CASK: variants seen among roughly 807,000 people sequenced by gnomAD.
The protein encoded by CASK is calcium/calmodulin dependent serine protein kinase.
In CASK, 4 loss-of-function variants were observed where a neutral mutation model predicts 82.9. The ratio of observed to expected loss-of-function variants is 0.05; its 90% CI spans 0.02 to 0.11. CASK has a LOEUF of 0.11. Among genes scored for constraint, CASK ranks in the 10% least tolerant of loss-of-function variants. CASK has a pLI of 1.00. For missense variants in CASK, 358 were observed against 720.9 expected, an observed-to-expected ratio of 0.50 and a Z score of 5.76; for synonymous variants, 259 against 253.5, an observed-to-expected ratio of 1.02 and a Z score of -0.20.
chrX:41,741,838 C>T (rs1356188891), intron 4 of CASK, among the ~76,000 whole-genome samples: 2 of 112,205 alleles, frequency 1.8e-5, no homozygotes, highest in South Asian at 3.6e-4. Context: ...AATCAAAAAA[C>T]TTCACTTCAT....
At chrX:41,803,157 A>G (rs2070037962) in intron 2 of CASK, among the ~76,000 whole-genome samples, 1 of 111,750 alleles carries the variant, frequency 8.9e-6, no homozygotes, top group Non-Finnish European at 1.9e-5. Context: ...AACAGATGAA[A>G]GGCTCACAGG....
At chrX:41,854,224 G>GCAAACA in intron 1 of CASK, among the ~76,000 whole-genome samples, 1 of 81,718 alleles carries the variant, frequency 1.2e-5, no homozygotes, top group Non-Finnish European at 2.3e-5. Context: ...GCGGGCGCGC[G>GCAAACA]CACACACACA....
chrX:41,532,545 A>G (rs762975528), intron 24 of CASK, among the ~76,000 whole-genome samples: 10 of 111,109 alleles, frequency 9.0e-5, no homozygotes, highest in Non-Finnish European at 1.9e-4. Flanking sequence ...CACTGGTTTT[A>G]ATATTCTCTC....
intron 8 of CASK, among the ~76,000 whole-genome samples, chrX:41,657,956 T>C (rs765162503): frequency 8.1e-4 from 89 of 110,378 alleles, no homozygotes; most frequent in African/African-American, 2.8e-3. Flanking sequence ...AATCTCTGGG[T>C]AGGGGAGAGG....
At chrX:41,744,314 G>A (rs185926952) in intron 4 of CASK, among the ~76,000 whole-genome samples, 91 of 109,470 alleles carry the variant, frequency 8.3e-4, no homozygotes, top group African/African-American at 2.9e-3. Context: ...GGCCCAGCAC[G>A]TGCATGGCTC....
chrX:41,545,976 A>AT lies in CASK; in HGVS notation c.2040-3171dup, dbSNP rs926613216. ...AGCGGACTACAGGTGCATGTCACCC[A>AT]TTTTTTTTTTCTTGAGACAGAGTGT... On this transcript the variant is annotated intron_variant, in intron 21 of 26. Coordinates refer to ENST00000378163, the MANE Select transcript of CASK (RefSeq NM_001367721.1). Among the ~76,000 whole-genome samples, 68 of 103,829 alleles carry AT rather than the reference A, an allele frequency of 6.5e-4. 1 individual carries two copies. Among genetic ancestry groups the AT allele is most frequent in the Non-Finnish European group, 2.0e-4 (10 of 50,482 alleles). The allele number at this position is 103,829 out of a possible 115,157, so 90.2% of individuals were successfully genotyped here.
rs1451405890 is a variant in CASK, at chrX:41,840,292, T to C, written c.172+12823A>G. Among the ~76,000 whole-genome samples the C allele has an allele frequency of 1.1e-4, 12 of 112,339 alleles. No homozygotes were observed. In the South Asian group the frequency reaches 3.3e-3, roughly 31 times the overall value. ...AAATTTCCTTTGTATGTATCTTGTA[T>C]ATATTTTGTTATGCTTATACATAAG... On this transcript the variant is annotated intron_variant, in intron 2 of 26. Transcript: ENST00000378163.
intron 2 of CASK, among the ~76,000 whole-genome samples, chrX:41,788,158 CAA>C (rs372992298): frequency 1.7e-4 from 7 of 42,012 alleles, no homozygotes; most frequent in Middle Eastern, 0.015. Context: ...AACTCTGTCT[CAA>C]AAAAAAAAAA....
At chrX:41,852,608 T>A (rs1183571671) in intron 2 of CASK, among the ~76,000 whole-genome samples, 1 of 111,421 alleles carries the variant, frequency 9.0e-6, no homozygotes, top group African/African-American at 3.3e-5. Context: ...GTCCTGAAAG[T>A]CCTAACAGTA....
Position 41,615,881 on chromosome X carries a change from C to A in CASK, c.1034-5856G>T, listed in dbSNP as rs1053728122. On this transcript the variant is annotated intron_variant, in intron 11 of 26. Transcript: ENST00000378163. Reference sequence around the variant, plus strand: ...GGCTCAAGTGATCCGCCTGCCTCAGCCTCCCAAAGTGCCGGGACTACAGGC... The same window carrying A: ...GGCTCAAGTGATCCGCCTGCCTCAGACTCCCAAAGTGCCGGGACTACAGGC... Among the ~76,000 whole-genome samples, 5 of 111,947 alleles carry A rather than the reference C, an allele frequency of 4.5e-5. No homozygotes were observed. The Admixed American group carries it at 4.7e-4, about 11-fold the overall frequency.
intron 21 of CASK, among the ~76,000 whole-genome samples, chrX:41,552,938 T>A (rs57657454): frequency 1.9e-3 from 211 of 112,136 alleles, no homozygotes; most frequent in African/African-American, 6.5e-3. Context: ...GGATGCTTAA[T>A]GGCTGTTATT....
chrX:41,827,672 A>C (rs768226312), intron 2 of CASK, among the ~76,000 whole-genome samples: 1 of 112,251 alleles, frequency 8.9e-6, no homozygotes, highest in Non-Finnish European at 1.9e-5. Flanking sequence ...ATCTCAGACT[A>C]ATGAGTAGAA....
chrX:41,602,075 C>T (rs2065900719), intron 12 of CASK, among the ~76,000 whole-genome samples: 1 of 111,713 alleles, frequency 9.0e-6, no homozygotes, highest in Non-Finnish European at 1.9e-5. Flanking sequence ...AATCAGTTAT[C>T]CAATTTTTTT....
chrX:41,901,862 T>C (rs2072387888), intron 1 of CASK, among the ~76,000 whole-genome samples: 1 of 112,032 alleles, frequency 8.9e-6, no homozygotes, highest in South Asian at 3.8e-4. Flanking sequence ...GCCTTGAGCC[T>C]GAGTCTTAAG....
chrX:41,847,704 T>C (rs2071185602), intron 2 of CASK, among the ~76,000 whole-genome samples: 1 of 112,402 alleles, frequency 8.9e-6, no homozygotes, highest in African/African-American at 3.2e-5. Flanking sequence ...TGTTGCTGTT[T>C]ATTGTTACTC....
chrX:41,722,663 T>C (rs1157853324), intron 5 of CASK, among the ~76,000 whole-genome samples: 3 of 112,002 alleles, frequency 2.7e-5, no homozygotes, highest in East Asian at 5.6e-4. Flanking sequence ...GTACCAGCAA[T>C]TGATTAGATG....
intron 3 of CASK, among the ~76,000 whole-genome samples, chrX:41,777,361 GCATGC>G (rs2147809844): frequency 9.1e-6 from 1 of 110,132 alleles, no homozygotes; most frequent in Admixed American, 9.8e-5. Context: ...GCGTGGTGGT[GCATGC>G]CTGTAGTCCC....
chrX:41,778,914 G>A (rs1458761639), intron 3 of CASK, among the ~76,000 whole-genome samples: 2 of 109,141 alleles, frequency 1.8e-5, no homozygotes, highest in Non-Finnish European at 3.8e-5. Flanking sequence ...TATCTTTACA[G>A]TCAATTATAT....
intron 1 of CASK, among the ~76,000 whole-genome samples, chrX:41,913,185 ACT>A (rs1311954818): frequency 2.7e-5 from 3 of 111,393 alleles, no homozygotes; most frequent in African/African-American, 6.5e-5. Context: ...TGTGTGAATA[ACT>A]CATTTGAGCT....
Sources: allele counts gnomAD v4.1 joint callset (sites outside exome capture counted in the v4.1 genomes callset), GRCh38; gene constraint gnomAD v4.1.1; transcripts MANE v1.5; gene names NCBI Gene and HGNC (gene_info 2026-07-23, HGNC 2026-07-21).